Variants in CDH17 observed in about 807,000 individuals in gnomAD.
The protein encoded by CDH17 is cadherin 17.
In CDH17, 67 loss-of-function variants were observed where a neutral mutation model predicts 86.3. That is an observed-to-expected ratio of 0.78 (90% CI 0.64 to 0.95). The LOEUF (loss-of-function observed/expected upper bound fraction) is 0.95. Among genes scored for constraint, CDH17 ranks in the 40% least tolerant of loss-of-function variants. CDH17 has a pLI of 0.00. For synonymous variants in CDH17, 367 were observed against 366.4 expected (o/e 1.00, Z -0.02); for missense variants, 993 against 1,017.6 (o/e 0.98, Z 0.33).
intron 15 of CDH17, among the ~76,000 whole-genome samples, chr8:94,139,390 A>G (rs960071151): frequency 1.3e-5 from 2 of 152,210 alleles, no homozygotes; most frequent in Non-Finnish European, 2.9e-5. Flanking sequence ...TAGTGGAGAG[A>G]AAAACATTTT....
At chr8:94,185,484 G>A (rs1337003825) in intron 3 of CDH17, among the ~76,000 whole-genome samples, 1 of 152,200 alleles carries the variant, frequency 6.6e-6, no homozygotes, top group East Asian at 1.9e-4. Flanking sequence ...ACTCTGGAAT[G>A]ATCCTACTGA....
At chr8:94,167,968 T>A (rs1813187623) in intron 9 of CDH17, among the ~76,000 whole-genome samples, 1 of 150,464 alleles carries the variant, frequency 6.6e-6, no homozygotes, top group Admixed American at 6.6e-5. Context: ...TTTATGAGAG[T>A]CTAAATTTTC....
intron 12 of CDH17, among the ~76,000 whole-genome samples, chr8:94,156,554 C>G (rs566645978): frequency 2.0e-4 from 31 of 152,276 alleles, no homozygotes; most frequent in African/African-American, 7.5e-4. Context: ...GAAGTAAATA[C>G]AGAGCAGGGA....
chr8:94,146,133 G>A lies in CDH17; in HGVS notation c.1962C>T (p.His654=). 21 of 1,600,542 alleles carry A rather than the reference G, an allele frequency of 1.3e-5. No homozygotes were observed. Among genetic ancestry groups the A allele is most frequent in the Non-Finnish European group, 1.8e-5 (21 of 1,173,186 alleles). ...TGTCATTCACATCCATAAGGATCAGGTGGAACTCTGACACAGAGCTCAAGG... is the reference window on the plus strand; with the variant it reads ...TGTCATTCACATCCATAAGGATCAGATGGAACTCTGACACAGAGCTCAAGG... ...GSSLSSVSEF[H]LILMDVNDNP... The change falls in exon 15 of 18, where the codon CAC becomes CAT. Residue 654 remains histidine, a synonymous_variant. Transcript: ENST00000027335.
chr8:94,187,627 G>T (rs1813607469), intron 3 of CDH17, among the ~76,000 whole-genome samples: 1 of 151,820 alleles, frequency 6.6e-6, no homozygotes, highest in Admixed American at 6.6e-5. Context: ...CATTGCTTTT[G>T]AGAAAAACTC....
At chr8:94,167,800 C>A (rs1472917241) in intron 9 of CDH17, among the ~76,000 whole-genome samples, 1 of 151,902 alleles carries the variant, frequency 6.6e-6, no homozygotes, top group East Asian at 1.9e-4. Context: ...CAGAGGACAC[C>A]CCTCGCTGGG....
rs552707591 is a variant in CDH17 at position 94,165,136 on chromosome 8, C to T, written c.1282+625G>A. Among the ~76,000 whole-genome samples the T allele has an allele frequency of 2.0e-5, 3 of 152,266 alleles. No homozygotes were observed. In the East Asian group the frequency reaches 5.8e-4, roughly 29 times the overall value. On this transcript the variant is annotated intron_variant, in intron 10 of 17. Coordinates refer to ENST00000027335, the MANE Select transcript of CDH17 (RefSeq NM_004063.4). ...TTGTGATTATGTTCTGCAGAATGTG[C>T]CTGGCAGACCTCCAACAACAGGGTT...
chr8:94,204,024 G>C (rs1372378975), intron 1 of CDH17, among the ~76,000 whole-genome samples: 1 of 152,148 alleles, frequency 6.6e-6, no homozygotes, highest in Non-Finnish European at 1.5e-5. Context: ...GGGCTCACGG[G>C]AGGCTAAATG....
intron 15 of CDH17, among the ~76,000 whole-genome samples, chr8:94,140,771 C>T (rs1812621789): frequency 6.6e-6 from 1 of 152,090 alleles, no homozygotes; most frequent in South Asian, 2.1e-4. Flanking sequence ...TATATCAATA[C>T]ATTAGATTAA....
In CDH17 at chr8:94,160,155, T is replaced by C. The variant is rs147833454; in HGVS notation, c.1367A>G (p.Asn456Ser). ...GTTTGTGTCTTCAGCAAGAGTCAGG[T>C]TTCCATACTAAGGAGAAAATGGAGA... ...IPIFEKSDYGNLTLAEDTNIG... is the reference protein window; with the variant it reads ...IPIFEKSDYGSLTLAEDTNIG... The change falls in exon 12 of 18, where the codon AAC becomes AGC. Residue 456 changes from asparagine to serine, a missense_variant. Asn to Ser is a conservative substitution (Grantham distance 46, BLOSUM62 1). Coordinates refer to ENST00000027335, the MANE Select transcript of CDH17 (RefSeq NM_004063.4). 7.3e-4 allele frequency: 1,180 copies of C among 1,610,470 alleles called. 10 individuals carry two copies. The African/African-American group carries it at 0.014, about 19-fold the overall frequency.
chr8:94,200,532 C>CTTT (rs1387182561), intron 1 of CDH17, among the ~76,000 whole-genome samples: 574 of 50,172 alleles, frequency 0.011, 94 homozygotes, highest in Non-Finnish European at 0.014. Context: ...TTATTATTAT[C>CTTT]TTTTGTTTTT....
At chr8:94,143,277 G>A (rs1458124480) in intron 15 of CDH17, among the ~76,000 whole-genome samples, 1 of 152,138 alleles carries the variant, frequency 6.6e-6, no homozygotes, top group Non-Finnish European at 1.5e-5. Context: ...AATATGTTGA[G>A]AGGAATCTTT....
intron 1 of CDH17, among the ~76,000 whole-genome samples, chr8:94,206,095 GAA>G (rs1487823452): frequency 7.2e-5 from 11 of 151,808 alleles, no homozygotes; most frequent in Admixed American, 2.0e-4. Flanking sequence ...CAGAATATTT[GAA>G]GAGAAATTTT....
chr8:94,149,904 T>C (rs1442353591), intron 13 of CDH17, among the ~76,000 whole-genome samples: 2 of 152,172 alleles, frequency 1.3e-5, no homozygotes, highest in African/African-American at 2.4e-5. Context: ...CATGAGGATG[T>C]CCATATCTTT....
chr8:94,176,597 C>G lies in CDH17; in HGVS notation c.368G>C (p.Arg123Pro). The G allele has an allele frequency of 1.2e-6, 2 of 1,613,766 alleles. No homozygotes were observed. Among genetic ancestry groups the G allele is most frequent in the South Asian group, 2.2e-5 (2 of 91,082 alleles). The change falls in exon 5 of 18, where the codon CGA becomes CCA. Residue 123 changes from arginine (R) to proline (P), a missense_variant. Arg to Pro is a moderately radical substitution (Grantham distance 103, BLOSUM62 -2). Coordinates refer to ENST00000027335, the MANE Select transcript of CDH17 (RefSeq NM_004063.4). ...GTACTTTGACTGGAGAAACGTGGGTCGATTGTCGTTGATGTCCTTCACTTT... is the reference window on the plus strand; with the variant it reads ...GTACTTTGACTGGAGAAACGTGGGTGGATTGTCGTTGATGTCCTTCACTTT... ...TIKVKDINDN[R>P]PTFLQSKYEG...
chr8:94,204,188 AGG>A (rs1416690342), intron 1 of CDH17, among the ~76,000 whole-genome samples: 1 of 152,090 alleles, frequency 6.6e-6, no homozygotes. Flanking sequence ...CAGAACATGC[AGG>A]TTTGTTATAT....
chr8:94,212,499 GTT>G (rs34678816), upstream of CDH17, among the ~76,000 whole-genome samples: 3 of 148,116 alleles, frequency 2.0e-5, no homozygotes, highest in African/African-American at 7.4e-5. Flanking sequence ...CTGTTGTTGA[GTT>G]TTTTTTTTTT....
At chr8:94,168,113 T>TAC (rs1813194126) in intron 9 of CDH17, among the ~76,000 whole-genome samples, 1 of 19,170 alleles carries the variant, frequency 5.2e-5, no homozygotes, top group African/African-American at 1.9e-4. Flanking sequence ...TATATATATA[T>TAC]ATATATATAT....
At chr8:94,129,464 T>C (rs887621610) in intron 17 of CDH17, among the ~76,000 whole-genome samples, 6 of 119,128 alleles carry the variant, frequency 5.0e-5, no homozygotes, top group Admixed American at 4.1e-4. Context: ...AGACCCCCTT[T>C]AGATGCATGA....
Sources: allele counts gnomAD v4.1 joint callset (sites outside exome capture counted in the v4.1 genomes callset), GRCh38; gene constraint gnomAD v4.1.1; transcripts MANE v1.5; gene names NCBI Gene and HGNC (gene_info 2026-07-23, HGNC 2026-07-21).